KCNK15: variants seen among roughly 807,000 people sequenced by gnomAD.
The protein encoded by KCNK15 is potassium two pore domain channel subfamily K member 15, also known as potassium channel subfamily K member 15.
In KCNK15, 9 loss-of-function variants were observed where a neutral mutation model predicts 8.5. The observed-to-expected ratio is 1.06, with a 90% CI of 0.64 to 1.85. The LOEUF (loss-of-function observed/expected upper bound fraction) is 1.85, where lower values mean the gene tolerates loss of function less well. Among genes scored for constraint, KCNK15 ranks in the 40% most tolerant of loss-of-function variants. KCNK15 has a pLI of 0.00. For synonymous variants in KCNK15, 224 were observed against 232.7 expected, an observed-to-expected ratio of 0.96 and a Z score of 0.34; for missense variants, 467 against 476.8, an observed-to-expected ratio of 0.98 and a Z score of 0.19.
chr20:44,747,514 G>A (rs374304407), intron 1 of KCNK15, among the ~76,000 whole-genome samples: 2 of 152,304 alleles, frequency 1.3e-5, no homozygotes, highest in Non-Finnish European at 2.9e-5. Flanking sequence ...CCTGGTTACC[G>A]TGCCCACTGG....
chr20:44,750,818 G>A lies in KCNK15; in HGVS notation c.973G>A (p.Ala325Thr). Residue 325 changes from alanine (A) to threonine (T), a missense_variant, in exon 2 of 2, where the codon GCC becomes ACC. Around this residue, in one of 2 missense-constraint regions of KCNK15, gnomAD observed 455 missense variants for 441.2 expected, o/e 1.03. Coordinates refer to ENST00000372861, the MANE Select transcript of KCNK15 (RefSeq NM_022358.4). ...TGGCGGGCAGGCTCCCAGGCTTGGG[G>A]CCCGGTGGAAGTCCATCTGACAACC... ...VRGGQAPRLG[A>T]RWKSI 6.8e-7 allele frequency: 1 copy of A among 1,471,058 alleles called. No homozygotes were observed. The highest frequency in any genetic ancestry group is 9.0e-7 in the Non-Finnish European group (1 of 1,115,046). 91.1% of individuals were successfully genotyped at this position (1,471,058 alleles called of 1,614,324 possible).
In KCNK15 at chr20:44,750,322, G is replaced by A; in HGVS notation, c.477G>A (p.Leu159=). ...GGACGTGCGTGTCCACGGAGAACCT[G>A]GTGGTGGCCGGGCTGCTGGCGTGTG... ...LRWTCVSTEN[L]VVAGLLACAA... The change falls in exon 2 of 2, where the codon CTG becomes CTA. Residue 159 remains leucine (L), a synonymous_variant. Transcript: ENST00000372861. 6.2e-7 allele frequency: 1 copy of A among 1,610,034 alleles called. No individual in the cohort carries two copies. Among genetic ancestry groups the A allele is most frequent in the Admixed American group, 1.7e-5 (1 of 59,620 alleles).
At position 44,745,973 on chromosome 20, in the gene KCNK15, G is replaced by A; in HGVS notation, c.63G>A (p.Val21=). ...TGTGCACCCTGTGTTACCTGCTGGT[G>A]GGCGCTGCTGTCTTCGACGCGCTCG... ...LVLCTLCYLL[V]GAAVFDALES... is the part of the protein sequence containing the mutation. The change falls in exon 1 of 2, where the codon GTG becomes GTA. Residue 21 remains valine, a synonymous_variant. Coordinates refer to ENST00000372861, the MANE Select transcript of KCNK15 (RefSeq NM_022358.4). 6.7e-7 allele frequency: 1 copy of A among 1,484,198 alleles called. No individual in the cohort carries two copies. Among genetic ancestry groups the A allele is most frequent in the Non-Finnish European group, 9.0e-7 (1 of 1,116,420 alleles). 91.9% of individuals were successfully genotyped at this position (1,484,198 alleles called of 1,614,324 possible).
chr20:44,748,884 A>C (rs1261769768), intron 1 of KCNK15, among the ~76,000 whole-genome samples: 1 of 152,174 alleles, frequency 6.6e-6, no homozygotes, highest in South Asian at 2.1e-4. Context: ...CATTTGTGAC[A>C]ACCAGAATGT....
At chr20:44,749,048 C>T (rs1244696058) in intron 1 of KCNK15, among the ~76,000 whole-genome samples, 1 of 152,174 alleles carries the variant, frequency 6.6e-6, no homozygotes. Context: ...TCGCTATGAC[C>T]GACAATGCTG....
In KCNK15 at chr20:44,745,868, C is replaced by A; in HGVS notation, c.-43C>A. 1.6e-6 allele frequency: 2 copies of A among 1,235,376 alleles called. No individual in the cohort carries two copies. Among genetic ancestry groups the A allele is most frequent in the East Asian group, 6.3e-5 (2 of 31,740 alleles). The allele number at this position is 1,235,376 out of a possible 1,614,324, so 76.5% of individuals were successfully genotyped here. On this transcript the variant is annotated 5_prime_UTR_variant, in exon 1 of 2. Transcript: ENST00000372861. Reference sequence around the variant, plus strand: ...GGGCGGAGCGCGCGGTCCGGGCACACGGAGCAGGTTGGGACCGCGGCGGGT... The same window carrying A: ...GGGCGGAGCGCGCGGTCCGGGCACAAGGAGCAGGTTGGGACCGCGGCGGGT...
intron 1 of KCNK15, among the ~76,000 whole-genome samples, chr20:44,748,688 T>C (rs1383042387): frequency 6.6e-6 from 1 of 152,326 alleles, no homozygotes; most frequent in South Asian, 2.1e-4. Context: ...TTATAGAATA[T>C]ATGTTGATGT....
At position 44,750,788 on chromosome 20, in the gene KCNK15, G is replaced by A. The variant is rs1023780379; in HGVS notation, c.943G>A (p.Val315Met). The A allele has an allele frequency of 7.3e-6, 11 of 1,500,180 alleles. No homozygotes were observed. Among genetic ancestry groups the A allele is most frequent in the African/African-American group, 4.3e-5 (3 of 70,488 alleles). The allele number at this position is 1,500,180 out of a possible 1,614,324, so 92.9% of individuals were successfully genotyped here. ...GFSPPSSPGV[V>M]RGGQAPRLGA... ...TTCGCCCCCCTCGAGCCCGGGGGTC[G>A]TGCGTGGCGGGCAGGCTCCCAGGCT... The change falls in exon 2 of 2, where the codon GTG becomes ATG. Residue 315 changes from valine to methionine, a missense_variant. Val to Met is a conservative substitution (Grantham distance 21). Around this residue, in one of 2 missense-constraint regions of KCNK15, gnomAD observed 455 missense variants for 441.2 expected, o/e 1.03. Transcript: ENST00000372861.
chr20:44,750,437 A>C lies in KCNK15; in HGVS notation c.592A>C (p.Thr198Pro), dbSNP rs1238420897. The change falls in exon 2 of 2, where the codon ACC becomes CCC. Residue 198 changes from threonine (T) to proline (P), a missense_variant. Around this residue, in one of 2 missense-constraint regions of KCNK15, gnomAD observed 455 missense variants for 441.2 expected, o/e 1.03. Coordinates refer to ENST00000372861, the MANE Select transcript of KCNK15 (RefSeq NM_022358.4). ...CTACTACTACTGCTTCATCACCCTC[A>C]CCACCATCGGCTTCGGCGACTTCGT... ...HAYYYCFITL[T>P]TIGFGDFVAL... 2 of 1,613,758 alleles carry C rather than the reference A, an allele frequency of 1.2e-6. No individual in the cohort carries two copies.
At chr20:44,746,274 GC>G in intron 1 of KCNK15, 81 bp downstream of exon 1, 14 of 1,249,970 alleles carry the variant, frequency 1.1e-5, no homozygotes, top group South Asian at 5.0e-5. Context: ...TCCCACCTCT[GC>G]CCCCGCCCAG....
rs1213434699 is a variant in KCNK15, at chr20:44,751,505, G to A, written c.*667G>A. On this transcript the variant is annotated 3_prime_UTR_variant, in exon 2 of 2. Coordinates refer to ENST00000372861, the MANE Select transcript of KCNK15 (RefSeq NM_022358.4). The stretch of plus-strand genomic sequence containing the variant: ...ACCCACCATGTCACTGGGGCCACTT[G>A]GACACAGCAGAATGCCATGGGACGA... The A allele has an allele frequency of 2.0e-5, 3 of 152,244 alleles. No individual in the cohort carries two copies. The highest frequency in any genetic ancestry group is 7.2e-5 in the African/African-American group (3 of 41,432). The allele number at this position is 152,244 out of a possible 1,614,324, so 9.4% of individuals were successfully genotyped here.
intron 1 of KCNK15, among the ~76,000 whole-genome samples, chr20:44,749,803 C>T (rs1307017837): frequency 1.3e-5 from 2 of 152,182 alleles, no homozygotes; most frequent in Non-Finnish European, 2.9e-5. Flanking sequence ...ACCATGCGGT[C>T]TGTAGGCTTT....
In KCNK15 at chr20:44,750,625, C is replaced by T; in HGVS notation, c.780C>T (p.Thr260=). Residue 260 remains threonine, a synonymous_variant, in exon 2 of 2, where the codon ACC becomes ACT. Transcript: ENST00000372861. The part of the protein sequence containing the change: ...SADWPERAAR[T]PSPRPPGAPE... ...ACTGGCCCGAGCGCGCTGCCCGCAC[C>T]CCCAGCCCGCGCCCCCCGGGGGCGC... 6 of 1,589,248 alleles carry T rather than the reference C, an allele frequency of 3.8e-6. No homozygotes were observed. Among genetic ancestry groups the T allele is most frequent in the Non-Finnish European group, 5.1e-6 (6 of 1,173,872 alleles).
rs1214727794 is a variant in KCNK15 at position 44,751,579 on chromosome 20, C to T, written c.*741C>T. Reference sequence around the variant, plus strand: ...CACCAGCAATATGACCTTGGAGAATCGCATCCTCTCCCAGGGCCTCAGTTT... The same window carrying T: ...CACCAGCAATATGACCTTGGAGAATTGCATCCTCTCCCAGGGCCTCAGTTT... On this transcript the variant is annotated 3_prime_UTR_variant, in exon 2 of 2. Transcript: ENST00000372861. 6.6e-6 allele frequency: 1 copy of T among 152,248 alleles called. No individual in the cohort carries two copies. The highest frequency in any genetic ancestry group is 1.5e-5 in the Non-Finnish European group (1 of 68,090). The allele number at this position is 152,248 out of a possible 1,614,324, so 9.4% of individuals were successfully genotyped here.
At chr20:44,750,002 A>C in intron 1 of KCNK15, 127 bp from the exon 2 acceptor site, 1 of 779,758 alleles carries the variant, frequency 1.3e-6, no homozygotes, top group South Asian at 1.8e-5. Context: ...AGTTAGGACT[A>C]GTATTTGGAG....
rs201484292 is a variant in KCNK15, at chr20:44,750,254, C to T, written c.409C>T (p.Arg137Trp). The T allele has an allele frequency of 1.2e-6, 2 of 1,607,516 alleles. No individual in the cohort carries two copies. The highest frequency in any genetic ancestry group is 2.2e-5 in the South Asian group (2 of 90,478). Residue 137 changes from arginine to tryptophan, a missense_variant, in exon 2 of 2, where the codon CGG (arginine) becomes TGG (tryptophan). By Grantham distance (101) the Arg-to-Trp change is moderately radical (BLOSUM62 -3). Transcript: ENST00000372861. ...SLGERLNAVV[R>W]RLLLAAKCCL... is the part of the protein sequence containing the mutation. ...GGGCGAACGGCTGAACGCGGTGGTG[C>T]GGCGCCTCCTGTTGGCGGCCAAGTG...
intron 1 of KCNK15, among the ~76,000 whole-genome samples, chr20:44,749,023 C>T (rs1334974749): frequency 6.6e-6 from 1 of 152,218 alleles, no homozygotes; most frequent in Non-Finnish European, 1.5e-5. Flanking sequence ...TGGACACTTA[C>T]ATTGTTTCTC....
rs2066029079 is a variant in KCNK15 at position 44,750,915 on chromosome 20, T to C, written c.*77T>C. On this transcript the variant is annotated 3_prime_UTR_variant, in exon 2 of 2. Coordinates refer to ENST00000372861, the MANE Select transcript of KCNK15 (RefSeq NM_022358.4). The stretch of plus-strand genomic sequence containing the variant: ...CTATCAGGGCACCCTCCCCAGGGAT[T>C]GGAAACGGATGACGGGCCTCTAGGC... 8.7e-6 allele frequency: 9 copies of C among 1,030,154 alleles called. No homozygotes were observed. Among genetic ancestry groups the C allele is most frequent in the Non-Finnish European group, 1.2e-5 (9 of 775,854 alleles). 63.8% of individuals were successfully genotyped at this position (1,030,154 alleles called of 1,614,324 possible).
At chr20:44,749,532 TG>T (rs1322587554) in intron 1 of KCNK15, among the ~76,000 whole-genome samples, 2 of 151,768 alleles carry the variant, frequency 1.3e-5, no homozygotes, top group East Asian at 3.9e-4. Flanking sequence ...AGCTGGAAAG[TG>T]GGGAAAGTTT....
Sources: gnomAD v4.1 joint callset for allele counts (sites outside exome capture counted in the v4.1 genomes callset) on GRCh38, gnomAD v4.1.1 for gene constraint, gnomAD v4.1.1 regional missense constraint, MANE v1.5 for transcripts, NCBI Gene and HGNC (gene_info 2026-07-23, HGNC 2026-07-21) for gene names.